Variants in PTPN14 observed in about 807,000 individuals in gnomAD.
PTPN14 encodes protein tyrosine phosphatase non-receptor type 14, also known as tyrosine-protein phosphatase non-receptor type 14.
PTPN14 carries 53 observed loss-of-function variants against 126.8 expected under a neutral mutation model. The ratio of observed to expected loss-of-function variants is 0.42; its 90% CI spans 0.34 to 0.53. The LOEUF is 0.53. Among genes scored for constraint, PTPN14 ranks in the 20% least tolerant of loss-of-function variants. PTPN14 has a pLI of 0.08. For missense variants in PTPN14, 1,257 were observed against 1,552.9 expected (o/e 0.81, Z 3.20); for synonymous variants, 630 against 599.3 (o/e 1.05, Z -0.75).
Position 214,501,791 on chromosome 1 carries a change from G to A in PTPN14, c.-154-36834C>T, listed in dbSNP as rs12045410. Among the ~76,000 whole-genome samples, 57 of 152,204 alleles carry A rather than the reference G, an allele frequency of 3.7e-4. No homozygotes were observed. The East Asian group carries it at 0.01, about 27-fold the overall frequency. On this transcript the variant is annotated intron_variant, in intron 1 of 18. Coordinates refer to ENST00000366956, the MANE Select transcript of PTPN14 (RefSeq NM_005401.5). ...AGTTATTTTTTAGGCCAGGTGCAGT[G>A]GCTCACGCCTGTAATCCCAGCACTT...
intron 1 of PTPN14, among the ~76,000 whole-genome samples, chr1:214,525,697 G>C (rs758759237): frequency 3.2e-4 from 49 of 152,148 alleles, no homozygotes; most frequent in Non-Finnish European, 6.8e-4. Flanking sequence ...TATTCTACTA[G>C]ATCAACTAAG....
chr1:214,394,556 C>T (rs557552331), intron 9 of PTPN14, among the ~76,000 whole-genome samples: 12 of 152,154 alleles, frequency 7.9e-5, no homozygotes, highest in Non-Finnish European at 1.3e-4. Flanking sequence ...TACAGGTGCC[C>T]ACCACCATGC....
chr1:214,464,660 C>T lies in PTPN14; in HGVS notation c.144G>A (p.Glu48=), dbSNP rs767799023. 1.2e-6 allele frequency: 2 copies of T among 1,614,280 alleles called. No individual in the cohort carries two copies. Among genetic ancestry groups the T allele is most frequent in the South Asian group, 2.2e-5 (2 of 91,092 alleles). The change falls in exon 2 of 19, where the codon GAG becomes GAA. Residue 48 remains glutamate, a synonymous_variant. Coordinates refer to ENST00000366956, the MANE Select transcript of PTPN14 (RefSeq NM_005401.5). ...GCAGCTCCAGCCTCTGGGCCACAGC[C>T]TCCAGGCATTCTTGCCCTGTGCTTT... is the stretch of plus-strand genomic sequence containing the variant. ...SVESTGQECL[E]AVAQRLELRE... is the part of the protein sequence containing the mutation.
At chr1:214,548,980 T>C (rs371947423) in intron 1 of PTPN14, among the ~76,000 whole-genome samples, 14 of 152,188 alleles carry the variant, frequency 9.2e-5, no homozygotes, top group African/African-American at 2.6e-4. Flanking sequence ...TTAGTGGGAG[T>C]GGGCTTCTCT....
chr1:214,422,452 C>T (rs1051730811), intron 3 of PTPN14, among the ~76,000 whole-genome samples: 5 of 152,168 alleles, frequency 3.3e-5, no homozygotes, highest in African/African-American at 9.7e-5. Flanking sequence ...GGAGCCTCAT[C>T]CCTCTTACAC....
intron 1 of PTPN14, among the ~76,000 whole-genome samples, chr1:214,485,076 G>A (rs758052016): frequency 1.3e-5 from 2 of 152,108 alleles, no homozygotes; most frequent in Non-Finnish European, 2.9e-5. Flanking sequence ...TATTCATATC[G>A]AATAGAAAGC....
intron 5 of PTPN14, among the ~76,000 whole-genome samples, chr1:214,405,217 C>T (rs1404998979): frequency 6.6e-6 from 1 of 152,214 alleles, no homozygotes; most frequent in African/African-American, 2.4e-5. Flanking sequence ...GCTCTCCTCT[C>T]TCCCCAGCTG....
chr1:214,445,342 G>A (rs1660119477), intron 3 of PTPN14, among the ~76,000 whole-genome samples: 1 of 152,186 alleles, frequency 6.6e-6, no homozygotes, highest in African/African-American at 2.4e-5. Flanking sequence ...GAATGACCGT[G>A]CTGGCTACAG....
chr1:214,483,870 T>C (rs1465424268), intron 1 of PTPN14, among the ~76,000 whole-genome samples: 1 of 152,236 alleles, frequency 6.6e-6, no homozygotes, highest in Non-Finnish European at 1.5e-5. Context: ...CTCATAGAGA[T>C]GGGCTTATTT....
intron 18 of PTPN14, among the ~76,000 whole-genome samples, chr1:214,363,082 T>A (rs1157071131): frequency 2.6e-5 from 4 of 152,132 alleles, no homozygotes; most frequent in Admixed American, 1.3e-4. Context: ...AGGCAAACAA[T>A]AAAAAAATCC....
chr1:214,495,487 T>G (rs74142726), intron 1 of PTPN14, among the ~76,000 whole-genome samples: 6,079 of 152,072 alleles, frequency 0.04, 362 homozygotes, highest in African/African-American at 0.14. Context: ...TAAGTACCAT[T>G]AAGGAGAGGA....
chr1:214,489,273 G>A (rs907579779), intron 1 of PTPN14, among the ~76,000 whole-genome samples: 15 of 152,230 alleles, frequency 9.9e-5, no homozygotes, highest in African/African-American at 2.4e-4. Context: ...TGAGGCTTGC[G>A]GAGGTTGAGA....
intron 11 of PTPN14, among the ~76,000 whole-genome samples, chr1:214,390,641 A>C (rs1658727525): frequency 6.6e-6 from 1 of 152,194 alleles, no homozygotes; most frequent in African/African-American, 2.4e-5. Flanking sequence ...GAATTTGTGG[A>C]GCTCGTAACT....
Position 214,383,437 on chromosome 1 carries a change from T to C in PTPN14, c.2418A>G (p.Pro806=). 1 of 1,614,244 alleles carries C rather than the reference T, an allele frequency of 6.2e-7. No individual in the cohort carries two copies. Among genetic ancestry groups the C allele is most frequent in the African/African-American group, 1.3e-5 (1 of 75,068 alleles). Residue 806 remains proline (P), a synonymous_variant, in exon 13 of 19, where the codon CCA becomes CCG. Transcript: ENST00000366956. This position sits in a 1 kb window ranked among gnomAD's most constrained non-coding sequence, Gnocchi z 4.4. ...TAGTCAGGTCGGGTTCCGAGATGGA[T>C]GGGCCGAGAGAGGCCCCGTTGACAG... ...PPAVNGASLG[P]SISEPDLTSV...
chr1:214,442,731 CTAAGT>C (rs1660060996), intron 3 of PTPN14, among the ~76,000 whole-genome samples: 1 of 152,054 alleles, frequency 6.6e-6, no homozygotes, highest in African/African-American at 2.4e-5. Context: ...TTAACTTCGG[CTAAGT>C]TAACTTCATC....
intron 10 of PTPN14, among the ~76,000 whole-genome samples, chr1:214,392,455 C>T (rs969049455): frequency 6.6e-6 from 1 of 152,126 alleles, no homozygotes; most frequent in African/African-American, 2.4e-5. Flanking sequence ...GTGGTTAAAT[C>T]AGAAGACAAG....
At chr1:214,427,999 A>G (rs183130563) in intron 3 of PTPN14, among the ~76,000 whole-genome samples, 75 of 152,346 alleles carry the variant, frequency 4.9e-4, no homozygotes, top group Middle Eastern at 3.4e-3. Flanking sequence ...AAGGCCTCGC[A>G]GGGCACGGTA....
intron 17 of PTPN14, among the ~76,000 whole-genome samples, chr1:214,365,130 C>T (rs1188856260): frequency 1.3e-5 from 2 of 152,174 alleles, no homozygotes; most frequent in African/African-American, 4.8e-5. Flanking sequence ...CCATCTGCCC[C>T]TTCTTCCTTC....
chr1:214,471,080 T>A (rs146618702), intron 1 of PTPN14, among the ~76,000 whole-genome samples: 13,269 of 149,924 alleles, frequency 0.089, 623 homozygotes, highest in South Asian at 0.12. Context: ...CCTAAATCTT[T>A]TTTTTTTTTT....
Sources: allele counts gnomAD v4.1 joint callset (sites outside exome capture counted in the v4.1 genomes callset), GRCh38; gene constraint gnomAD v4.1.1; non-coding constraint Gnocchi (gnomAD v3.1); transcripts MANE v1.5; gene names NCBI Gene and HGNC (gene_info 2026-07-23, HGNC 2026-07-21).